WDR1: variants seen among roughly 807,000 people sequenced by gnomAD.
WDR1 encodes the protein WD repeat domain 1, also known as WD repeat-containing protein 1.
In WDR1, 21 loss-of-function variants were observed where a neutral mutation model predicts 71.9. The observed-to-expected ratio is 0.29, with a 90% CI of 0.21 to 0.42. The LOEUF (loss-of-function observed/expected upper bound fraction) is 0.42, where lower values mean the gene tolerates loss of function less well. WDR1 is among the 10% of genes least tolerant of loss of function. The probability of loss-of-function intolerance (pLI) is 1.00; values close to 1 mark genes in which losing one functional copy is unlikely to be tolerated. For synonymous variants in WDR1, 424 were observed against 347.4 expected, an observed-to-expected ratio of 1.22 and a Z score of -2.45; for missense variants, 696 against 824.5, an observed-to-expected ratio of 0.84 and a Z score of 1.91.
At chr4:10,092,711 C>CA (rs371159192) in intron 5 of WDR1, 6 of 264,018 alleles carry the variant, frequency 2.3e-5, no homozygotes, top group South Asian at 7.7e-5. Context: ...GCCCATTAAC[C>CA]AAAAAAAGCG....
intron 10 of WDR1, among the ~76,000 whole-genome samples, chr4:10,081,663 TGGG>T (rs57903680): frequency 4.1e-5 from 3 of 73,170 alleles, no homozygotes; most frequent in African/African-American, 1.8e-4. Context: ...CGGGGAGGGG[TGGG>T]GGGGGGGGAA....
intron 13 of WDR1, 61 bp from the exon 14 acceptor site, chr4:10,077,509 T>A: frequency 3.7e-6 from 6 of 1,608,460 alleles, no homozygotes; most frequent in Admixed American, 1.7e-5. Context: ...GTTGCCCATA[T>A]CACCTCGCTT....
chr4:10,112,862 G>C (rs1713469032), intron 2 of WDR1, among the ~76,000 whole-genome samples: 1 of 152,238 alleles, frequency 6.6e-6, no homozygotes, highest in African/African-American at 2.4e-5. Flanking sequence ...CTGAAAGAGA[G>C]GGGAAAGCCC....
chr4:10,084,820 C>A (rs1222187149), intron 8 of WDR1, among the ~76,000 whole-genome samples: 1 of 152,240 alleles, frequency 6.6e-6, no homozygotes, highest in Admixed American at 6.5e-5. Context: ...TAACCAAGGC[C>A]CAGCACGTCA....
intron 3 of WDR1, among the ~76,000 whole-genome samples, chr4:10,099,953 C>T (rs1372681738): frequency 6.6e-6 from 1 of 152,224 alleles, no homozygotes; most frequent in Non-Finnish European, 1.5e-5. Flanking sequence ...CCCCAATCCC[C>T]CACCACGATC....
chr4:10,101,836 T>G (rs1425532926), intron 3 of WDR1, among the ~76,000 whole-genome samples: 1 of 152,250 alleles, frequency 6.6e-6, no homozygotes, highest in Non-Finnish European at 1.5e-5. Flanking sequence ...AGCATTCGGC[T>G]CCATGTTAAA....
In WDR1 at chr4:10,116,250, T is replaced by A. The variant is rs774436093; in HGVS notation, c.17-16A>T. Reference sequence around the variant, plus strand: ...AACACCTTCTCTGCGGAGACACAAATGCGGCGGGGCATGTCAGGGCAGGGC... The same window carrying A: ...AACACCTTCTCTGCGGAGACACAAAAGCGGCGGGGCATGTCAGGGCAGGGC... On this transcript the variant is annotated splice_polypyrimidine_tract_variant and intron_variant, in intron 1 of 14. Transcript: ENST00000499869. 3 of 1,612,860 alleles carry A rather than the reference T, an allele frequency of 1.9e-6. No homozygotes were observed. Among genetic ancestry groups the A allele is most frequent in the Non-Finnish European group, 1.7e-6 (2 of 1,179,630 alleles).
intron 2 of WDR1, 90 bp from the exon 3 acceptor site, chr4:10,104,076 G>A: frequency 7.4e-7 from 1 of 1,343,186 alleles, no homozygotes; most frequent in South Asian, 1.3e-5. Flanking sequence ...GGTGAAAGGG[G>A]TGTACAAAGA....
In WDR1 at chr4:10,097,698, T is replaced by C. The variant is rs1212233976; in HGVS notation, c.558+13A>G. 1 of 1,602,790 alleles carries C rather than the reference T, an allele frequency of 6.2e-7. No individual in the cohort carries two copies. Among genetic ancestry groups the C allele is most frequent in the Admixed American group, 1.7e-5 (1 of 59,322 alleles). Reference sequence around the variant, plus strand: ...CAAACCACAAATTTCACCCAAAAAGTAAGTTCACTTACGCCAATTGTGAAC... The same window carrying C: ...CAAACCACAAATTTCACCCAAAAAGCAAGTTCACTTACGCCAATTGTGAAC... On this transcript the variant is annotated intron_variant, in intron 5 of 14. Transcript: ENST00000499869.
chr4:10,115,136 C>A (rs1378647339), intron 2 of WDR1, among the ~76,000 whole-genome samples: 5 of 152,330 alleles, frequency 3.3e-5, no homozygotes, highest in African/African-American at 1.2e-4. Flanking sequence ...ATCTTTGTGC[C>A]AGCCGCCCCC....
chr4:10,083,534 G>GT, intron 9 of WDR1: 1 of 475,228 alleles, frequency 2.1e-6, no homozygotes, highest in South Asian at 1.5e-5. Flanking sequence ...AGGGTGGCAT[G>GT]TCTGCCCTCC....
At chr4:10,094,524 C>T (rs1391329093) in intron 5 of WDR1, among the ~76,000 whole-genome samples, 1 of 152,170 alleles carries the variant, frequency 6.6e-6, no homozygotes, top group Non-Finnish European at 1.5e-5. Context: ...GATGGTCTCG[C>T]CACCCTCCCT....
chr4:10,089,512 G>A (rs978453809), intron 5 of WDR1, among the ~76,000 whole-genome samples: 1 of 152,170 alleles, frequency 6.6e-6, no homozygotes, highest in East Asian at 1.9e-4. Context: ...TCTGTTACTC[G>A]AATAAGGAAA....
At chr4:10,089,029 C>A (rs1229335664) in intron 5 of WDR1, among the ~76,000 whole-genome samples, 2 of 152,160 alleles carry the variant, frequency 1.3e-5, no homozygotes, top group East Asian at 3.9e-4. Context: ...TGAGGTGCCC[C>A]CAGCAGCTGC....
intron 4 of WDR1, 88 bp downstream of exon 4, chr4:10,098,904 C>A (rs975274269): frequency 1.3e-6 from 2 of 1,570,806 alleles, no homozygotes; most frequent in African/African-American, 2.7e-5. Flanking sequence ...TTAGTACAGA[C>A]ATCAGCGCAT....
At chr4:10,076,655 G>A (rs1466042067) in intron 14 of WDR1, 1 of 152,278 alleles carries the variant, frequency 6.6e-6, no homozygotes, top group Non-Finnish European at 1.5e-5. Flanking sequence ...GGGCTCTGGG[G>A]GTGGGCTCAG....
At chr4:10,103,291 C>CACAG (rs1712816076) in intron 3 of WDR1, among the ~76,000 whole-genome samples, 1 of 6,574 alleles carries the variant, frequency 1.5e-4, no homozygotes, top group Non-Finnish European at 3.0e-4. Context: ...CACACACAGA[C>CACAG]ACACACACAC....
rs907235853 is a variant in WDR1, at chr4:10,098,049, TG to T, written c.378-159del. Among the ~76,000 whole-genome samples, 22 of 152,044 alleles carry T rather than the reference TG, an allele frequency of 1.4e-4. No individual in the cohort carries two copies. The Middle Eastern group carries it at 0.014, about 95-fold the overall frequency. On this transcript the variant is annotated intron_variant, in intron 4 of 14. Transcript: ENST00000499869. ...CCACAGGGACAAATGAGGGAAGCAC[TG>T]GGGTTCTGGCTCCACAAGGCATTTG... is the stretch of plus-strand genomic sequence containing the variant.
Position 10,099,026 on chromosome 4 carries a change from T to C in WDR1, c.343A>G (p.Lys115Glu). ...CCTTCCCCGACCACGGCGATCCTCT[T>C]ACTGTCTTCAGTCCAAGCAATGTCT... Reference protein sequence around the residue: ...IKDIAWTEDSKRIAVVGEGRE... With the variant: ...IKDIAWTEDSERIAVVGEGRE... The change falls in exon 4 of 15, where the codon AAG (lysine) becomes GAG (glutamate). Residue 115 changes from lysine (K) to glutamate (E), a missense_variant. Coordinates refer to ENST00000499869, the MANE Select transcript of WDR1 (RefSeq NM_017491.5). 1.2e-6 allele frequency: 2 copies of C among 1,614,034 alleles called. No homozygotes were observed. The highest frequency in any genetic ancestry group is 1.7e-6 in the Non-Finnish European group (2 of 1,179,900).
Sources: gnomAD v4.1 joint callset for allele counts (sites outside exome capture counted in the v4.1 genomes callset) on GRCh38, gnomAD v4.1.1 for gene constraint, MANE v1.5 for transcripts, NCBI Gene and HGNC (gene_info 2026-07-23, HGNC 2026-07-21) for gene names.